Variants in NCKAP5 observed in about 807,000 individuals in gnomAD.
NCKAP5 encodes the protein nck-associated protein 5.
Under a neutral mutation model 167.0 loss-of-function variants are expected in NCKAP5, and 92 were observed. The observed-to-expected ratio is 0.55, with a 90% CI of 0.47 to 0.66. The LOEUF (loss-of-function observed/expected upper bound fraction) is 0.66. NCKAP5 is among the 30% of genes least tolerant of loss of function. The pLI, the probability that NCKAP5 is intolerant of heterozygous loss-of-function variation, is 0.00. For missense variants in NCKAP5, 2,378 were observed against 2,315.0 expected (o/e 1.03, Z -0.56); for synonymous variants, 891 against 877.4 (o/e 1.02, Z -0.27).
intron 3 of NCKAP5, among the ~76,000 whole-genome samples, chr2:133,410,215 A>C (rs989547538): frequency 1.3e-5 from 2 of 152,254 alleles, no homozygotes; most frequent in Middle Eastern, 3.2e-3. Context: ...TCCGTTACTT[A>C]GAATAGACAT....
intron 3 of NCKAP5, among the ~76,000 whole-genome samples, chr2:133,420,587 T>G (rs1240593416): frequency 6.6e-6 from 1 of 152,206 alleles, no homozygotes; most frequent in Non-Finnish European, 1.5e-5. Context: ...AAAGTATGTA[T>G]GTAAATTATA....
At chr2:133,166,077 C>T (rs1378116165) in intron 5 of NCKAP5, among the ~76,000 whole-genome samples, 2 of 151,940 alleles carry the variant, frequency 1.3e-5, no homozygotes, top group Non-Finnish European at 2.9e-5. Flanking sequence ...CAAATAGGGC[C>T]CTGCAGTGGA....
intron 4 of NCKAP5, among the ~76,000 whole-genome samples, chr2:133,240,625 G>A (rs576698156): frequency 2.0e-5 from 3 of 152,280 alleles, no homozygotes; most frequent in South Asian, 4.1e-4. Context: ...CATTGTGTAC[G>A]TATAACTTGG....
Position 133,258,094 on chromosome 2 carries a change from T to C in NCKAP5, c.144-44315A>G, listed in dbSNP as rs1457251102. On this transcript the variant is annotated intron_variant, in intron 4 of 19. Coordinates refer to ENST00000409261, the MANE Select transcript of NCKAP5 (RefSeq NM_207363.3). ...TTAGCTGGGTTGCGTTTTAAGTGCATTTTATTGAGAAAGCATTTGGACTAT... is the reference window on the plus strand; with the variant it reads ...TTAGCTGGGTTGCGTTTTAAGTGCACTTTATTGAGAAAGCATTTGGACTAT... Among the ~76,000 whole-genome samples the C allele has an allele frequency of 3.3e-5, 5 of 152,216 alleles. No individual in the cohort carries two copies. The East Asian group carries it at 9.6e-4, about 29-fold the overall frequency.
At chr2:133,635,548 A>T in the NCKAP5 span, among the ~76,000 whole-genome samples, 3 of 152,232 alleles carry the variant, frequency 2.0e-5, no homozygotes, top group African/African-American at 7.2e-5. Context: ...ATGAAGATTC[A>T]TACTGCCTAT....
At chr2:133,344,726 A>G (rs891577554) in intron 3 of NCKAP5, among the ~76,000 whole-genome samples, 1 of 152,168 alleles carries the variant, frequency 6.6e-6, no homozygotes, top group Admixed American at 6.5e-5. Context: ...AGTCAAAGGC[A>G]ATCTCGAGAA....
At chr2:132,759,343 G>T (rs1680811812) in intron 16 of NCKAP5, among the ~76,000 whole-genome samples, 1 of 151,870 alleles carries the variant, frequency 6.6e-6, no homozygotes, top group African/African-American at 2.4e-5. Flanking sequence ...ACTTGTTAAG[G>T]GTTTTTCTAG....
At chr2:132,907,586 T>A (rs150317360) in intron 8 of NCKAP5, among the ~76,000 whole-genome samples, 5 of 138,452 alleles carry the variant, frequency 3.6e-5, no homozygotes, top group African/African-American at 1.5e-4. Context: ...GATTGCCTCA[T>A]AATCAAGGCT....
chr2:133,269,698 G>A (rs1053284020), intron 4 of NCKAP5, among the ~76,000 whole-genome samples: 3 of 152,216 alleles, frequency 2.0e-5, no homozygotes, highest in Non-Finnish European at 4.4e-5. Flanking sequence ...AAGACACAGA[G>A]GGAGTGACAT....
intron 4 of NCKAP5, chr2:133,269,172 G>A (rs745830958): frequency 6.6e-6 from 1 of 152,088 alleles, no homozygotes; most frequent in Non-Finnish European, 1.5e-5. Context: ...ATCATCTCAT[G>A]TTTACTCAAT....
At chr2:133,316,378 T>C (rs1681610581) in intron 3 of NCKAP5, among the ~76,000 whole-genome samples, 2 of 152,210 alleles carry the variant, frequency 1.3e-5, no homozygotes, top group African/African-American at 4.8e-5. Context: ...GGAACTCTTT[T>C]AGGAAAACCT....
chr2:133,157,847 T>C (rs933725186), intron 5 of NCKAP5, among the ~76,000 whole-genome samples: 1 of 152,166 alleles, frequency 6.6e-6, no homozygotes, highest in Admixed American at 6.5e-5. Flanking sequence ...CATTAAAAAA[T>C]CCATGTAATC....
the NCKAP5 span, among the ~76,000 whole-genome samples, chr2:133,626,183 T>C: frequency 2.6e-5 from 4 of 152,150 alleles, no homozygotes; most frequent in Admixed American, 2.6e-4. Flanking sequence ...TTATTAAATA[T>C]AGGCAATAAT....
At chr2:133,300,200 C>T (rs1303557605) in intron 4 of NCKAP5, among the ~76,000 whole-genome samples, 1 of 120,458 alleles carries the variant, frequency 8.3e-6, no homozygotes, top group African/African-American at 3.6e-5. Context: ...ACCAGAGGTA[C>T]AAGGAGGAAC....
intron 3 of NCKAP5, among the ~76,000 whole-genome samples, chr2:133,315,725 CAAGT>C (rs1681559536): frequency 6.6e-6 from 1 of 151,924 alleles, no homozygotes; most frequent in Non-Finnish European, 1.5e-5. Context: ...AATCAGTGGT[CAAGT>C]AAGACAGGCC....
intron 6 of NCKAP5, among the ~76,000 whole-genome samples, chr2:133,108,511 CTATTA>C (rs1189667799): frequency 6.6e-6 from 1 of 152,242 alleles, no homozygotes; most frequent in African/African-American, 2.4e-5. Flanking sequence ...TCAACTTTCA[CTATTA>C]TAATGAACCC....
chr2:133,195,871 T>C (rs1364696600), intron 5 of NCKAP5, among the ~76,000 whole-genome samples: 1 of 151,954 alleles, frequency 6.6e-6, no homozygotes, highest in Non-Finnish European at 1.5e-5. Context: ...ACAAGGAAAA[T>C]AAGACTGATA....
chr2:133,325,970 A>G (rs924297147), intron 3 of NCKAP5, among the ~76,000 whole-genome samples: 2 of 152,226 alleles, frequency 1.3e-5, no homozygotes, highest in Admixed American at 1.3e-4. Flanking sequence ...TGGAGTTGGT[A>G]AAGCTGAAAC....
chr2:133,114,663 G>C (rs2082016812), intron 6 of NCKAP5, among the ~76,000 whole-genome samples: 1 of 151,916 alleles, frequency 6.6e-6, no homozygotes, highest in Admixed American at 6.6e-5. Flanking sequence ...TTGATCTATA[G>C]GTTTTCTCCC....
Sources: gnomAD v4.1 joint callset for allele counts (sites outside exome capture counted in the v4.1 genomes callset) on GRCh38, gnomAD v4.1.1 for gene constraint, MANE v1.5 for transcripts, NCBI Gene and HGNC (gene_info 2026-07-23, HGNC 2026-07-21) for gene names.